Variants in CENPP observed in about 807,000 individuals in gnomAD.
CENPP encodes the protein centromere protein P.
A neutral mutation model predicts 35.6 loss-of-function variants in CENPP; 24 were observed. The ratio of observed to expected loss-of-function variants is 0.67; its 90% CI spans 0.49 to 0.95. The LOEUF is 0.95. Ranked by LOEUF, CENPP falls within the 40% of genes least tolerant of loss-of-function variation. The pLI is 0.00. For missense variants in CENPP, 332 were observed against 345.3 expected, an observed-to-expected ratio of 0.96 and a Z score of 0.31; for synonymous variants, 120 against 125.5, an observed-to-expected ratio of 0.96 and a Z score of 0.29.
chr9:92,522,943 T>C, intron 5 of CENPP: 2 of 1,475,406 alleles, frequency 1.4e-6, no homozygotes, highest in Non-Finnish European at 8.9e-7. Context: ...TTTTTACTTC[T>C]GAAAATTGGC....
chr9:92,612,925 T>C (rs963538512), intron 7 of CENPP, 94 bp from the exon 8 acceptor site: 3 of 1,439,134 alleles, frequency 2.1e-6, no homozygotes, highest in Non-Finnish European at 1.9e-6. Flanking sequence ...TCGGGAGGAG[T>C]GCGGGGTCTT....
chr9:92,489,215 T>A (rs565493557), intron 5 of CENPP, among the ~76,000 whole-genome samples: 1 of 152,368 alleles, frequency 6.6e-6, no homozygotes, highest in East Asian at 1.9e-4. Context: ...ATGGACTAAT[T>A]CAGGATTACA....
intron 5 of CENPP, among the ~76,000 whole-genome samples, chr9:92,437,534 C>T (rs1382396051): frequency 1.3e-5 from 2 of 148,284 alleles, no homozygotes; most frequent in African/African-American, 5.0e-5. Flanking sequence ...CTCAGCTTCC[C>T]GAGTAGCTGA....
chr9:92,453,125 T>G (rs944105127), intron 5 of CENPP, among the ~76,000 whole-genome samples: 2 of 151,890 alleles, frequency 1.3e-5, no homozygotes, highest in African/African-American at 4.8e-5. Context: ...TTTTAGTTAT[T>G]TCTTGCCTTC....
At chr9:92,345,042 G>C (rs945577697) in intron 3 of CENPP, among the ~76,000 whole-genome samples, 2 of 151,182 alleles carry the variant, frequency 1.3e-5, no homozygotes, top group African/African-American at 4.8e-5. Flanking sequence ...ACGAGGTCAG[G>C]AGATCGAGAC....
chr9:92,473,962 C>T (rs536142089), intron 5 of CENPP, among the ~76,000 whole-genome samples: 1 of 152,348 alleles, frequency 6.6e-6, no homozygotes, highest in African/African-American at 2.4e-5. Flanking sequence ...ACAGTGGGGC[C>T]AGTCTCAGCT....
intron 5 of CENPP, among the ~76,000 whole-genome samples, chr9:92,542,904 T>A (rs1342948367): frequency 1.3e-5 from 2 of 152,260 alleles, no homozygotes; most frequent in Non-Finnish European, 2.9e-5. Flanking sequence ...TGGTGTCAGA[T>A]AAGGATCTAA....
chr9:92,509,737 T>G (rs147587978), intron 5 of CENPP, among the ~76,000 whole-genome samples: 149 of 152,352 alleles, frequency 9.8e-4, no homozygotes, highest in African/African-American at 3.3e-3. Flanking sequence ...ATTTTACGTT[T>G]TACCAGTCAA....
In CENPP at chr9:92,615,153, CA is replaced by C. The variant is rs1414586261; in HGVS notation, c.*2015del. 145 of 142,510 alleles carry C rather than the reference CA, an allele frequency of 1.0e-3. No individual in the cohort carries two copies. The highest frequency in any genetic ancestry group is 3.6e-3 in the Middle Eastern group (1 of 274). The allele number at this position is 142,510 out of a possible 1,614,324, so 8.8% of individuals were successfully genotyped here. ...TCATGTGAAAGATTAAATTGTAAAGCAAAAAAAAAAAGGTCAATGCTCGCAT... is the reference window on the plus strand; with the variant it reads ...TCATGTGAAAGATTAAATTGTAAAGCAAAAAAAAAAGGTCAATGCTCGCAT... On this transcript the variant is annotated 3_prime_UTR_variant, in exon 8 of 8. Coordinates refer to ENST00000375587, the MANE Select transcript of CENPP (RefSeq NM_001012267.3).
At chr9:92,447,232 AT>A (rs141842256) in intron 5 of CENPP, among the ~76,000 whole-genome samples, 55,345 of 151,638 alleles carry the variant, frequency 0.36, 12,396 homozygotes, top group African/African-American at 0.63. Flanking sequence ...TTCTATTATT[AT>A]TACATTGTAA....
chr9:92,564,040 A>T (rs117205638), intron 5 of CENPP, among the ~76,000 whole-genome samples: 1 of 152,142 alleles, frequency 6.6e-6, no homozygotes, highest in East Asian at 1.9e-4. Context: ...ACTGATTGTA[A>T]TGTGGTGTAT....
intron 5 of CENPP, among the ~76,000 whole-genome samples, chr9:92,451,498 A>G (rs1406899897): frequency 1.3e-4 from 19 of 151,924 alleles, no homozygotes; most frequent in Non-Finnish European, 2.2e-4. Context: ...TGGTTACTGT[A>G]GCCTTGTAGT....
chr9:92,421,678 C>T (rs867502729), intron 5 of CENPP, among the ~76,000 whole-genome samples: 3 of 152,124 alleles, frequency 2.0e-5, no homozygotes, highest in Admixed American at 6.6e-5. Context: ...ATCAGTTTAC[C>T]GTTGTCCTGA....
chr9:92,483,338 C>T lies in CENPP; in HGVS notation c.564+103479C>T, dbSNP rs1043573003. On this transcript the variant is annotated intron_variant, in intron 5 of 7. Coordinates refer to ENST00000375587, the MANE Select transcript of CENPP (RefSeq NM_001012267.3). The stretch of plus-strand genomic sequence containing the variant: ...CTGCCTCCCAGGTTCACGCCATTCT[C>T]CTGCCTCAGCCTCCCGAGTAGCTGG... 1.1e-4 allele frequency among the ~76,000 whole-genome samples: 16 copies of T among 152,136 alleles called. No individual in the cohort carries two copies. In the East Asian group the frequency reaches 3.1e-3, roughly 29 times the overall value.
chr9:92,346,178 T>G (rs1302638027), intron 4 of CENPP, among the ~76,000 whole-genome samples: 2 of 152,134 alleles, frequency 1.3e-5, no homozygotes, highest in Non-Finnish European at 2.9e-5. Flanking sequence ...GGAATTTTTG[T>G]TTTTTATTAT....
At chr9:92,370,940 G>A (rs927335497) in intron 4 of CENPP, among the ~76,000 whole-genome samples, 1 of 151,824 alleles carries the variant, frequency 6.6e-6, no homozygotes, top group Non-Finnish European at 1.5e-5. Context: ...TTATTTCTGT[G>A]GTCTCATTTG....
At chr9:92,572,151 T>G (rs1461967915) in intron 5 of CENPP, among the ~76,000 whole-genome samples, 2 of 152,200 alleles carry the variant, frequency 1.3e-5, no homozygotes, top group Non-Finnish European at 2.9e-5. Context: ...CTGGTTATTT[T>G]GCTGGTGAGT....
At chr9:92,445,089 C>T (rs1408472267) in intron 5 of CENPP, among the ~76,000 whole-genome samples, 1 of 152,156 alleles carries the variant, frequency 6.6e-6, no homozygotes, top group African/African-American at 2.4e-5. Flanking sequence ...CTGCACTAAA[C>T]CCTCTGGGCT....
At chr9:92,512,138 A>G (rs1432723376) in intron 5 of CENPP, 4 of 1,599,806 alleles carry the variant, frequency 2.5e-6, no homozygotes, top group East Asian at 2.2e-5. Flanking sequence ...TAGGACACAC[A>G]GCGGTTATGT....
Sources: gnomAD v4.1 joint callset for allele counts (sites outside exome capture counted in the v4.1 genomes callset) on GRCh38, gnomAD v4.1.1 for gene constraint, MANE v1.5 for transcripts, NCBI Gene and HGNC (gene_info 2026-07-23, HGNC 2026-07-21) for gene names.